The following ANKRD44 variants were observed in gnomAD, a reference collection of about 807,000 sequenced individuals.
ANKRD44 encodes serine/threonine-protein phosphatase 6 regulatory ankyrin repeat subunit B.
ANKRD44 carries 35 observed loss-of-function variants against 116.0 expected under a neutral mutation model. That is an observed-to-expected ratio of 0.30 (90% confidence interval 0.23 to 0.40). The LOEUF is 0.40. ANKRD44 is among the 10% of genes least tolerant of loss of function. The pLI is 1.00. For synonymous variants in ANKRD44, 435 were observed against 461.8 expected (o/e 0.94, Z 0.74); for missense variants, 1,014 against 1,242.6 (o/e 0.82, Z 2.77).
At chr2:197,170,655 G>T (rs2080210907) in intron 2 of ANKRD44, among the ~76,000 whole-genome samples, 1 of 152,144 alleles carries the variant, frequency 6.6e-6, no homozygotes. Flanking sequence ...TCAGTAAAAA[G>T]ATCAGATTTT....
chr2:197,219,582 G>C (rs1446162384), intron 1 of ANKRD44, among the ~76,000 whole-genome samples: 4 of 152,042 alleles, frequency 2.6e-5, no homozygotes, highest in Non-Finnish European at 5.9e-5. Context: ...AATTCAGAAG[G>C]GCTTTGAGAG....
At chr2:197,086,852 G>A in intron 12 of ANKRD44, 104 bp from the exon 13 acceptor site, 4 of 985,420 alleles carry the variant, frequency 4.1e-6, no homozygotes, top group East Asian at 2.6e-5. Context: ...TGAAAAGATA[G>A]CTCCTGGTCT....
intron 17 of ANKRD44, among the ~76,000 whole-genome samples, chr2:197,017,966 G>A (rs1055797450): frequency 6.6e-6 from 1 of 152,258 alleles, no homozygotes; most frequent in African/African-American, 2.4e-5. Flanking sequence ...ACATGGAGAT[G>A]TCATTAGGGT....
At chr2:197,248,731 G>A (rs1371480491) in intron 1 of ANKRD44, among the ~76,000 whole-genome samples, 2 of 151,822 alleles carry the variant, frequency 1.3e-5, no homozygotes, top group African/African-American at 2.4e-5. Context: ...AATCCTTGCT[G>A]CAAACATAGG....
chr2:197,031,614 G>A (rs1389100705), intron 16 of ANKRD44, among the ~76,000 whole-genome samples: 1 of 152,178 alleles, frequency 6.6e-6, no homozygotes, highest in African/African-American at 2.4e-5. Flanking sequence ...GATAGATTCA[G>A]AACTCCTTTC....
intron 1 of ANKRD44, among the ~76,000 whole-genome samples, chr2:197,273,646 G>A (rs868560604): frequency 1.6e-4 from 25 of 152,190 alleles, no homozygotes; most frequent in Middle Eastern, 3.4e-3. Flanking sequence ...GCCAGCACCT[G>A]CGGCCTGGGC....
At chr2:197,251,585 T>A (rs1259671621) in intron 1 of ANKRD44, among the ~76,000 whole-genome samples, 1 of 152,266 alleles carries the variant, frequency 6.6e-6, no homozygotes, top group African/African-American at 2.4e-5. Flanking sequence ...TTCCATTTCT[T>A]TGATTTGGAG....
chr2:197,010,630 G>T (rs2076283040), intron 18 of ANKRD44, among the ~76,000 whole-genome samples: 1 of 152,232 alleles, frequency 6.6e-6, no homozygotes, highest in East Asian at 1.9e-4. Flanking sequence ...CCAGGCTATT[G>T]AACGCAAACC....
chr2:197,002,624 G>A (rs2076133137), intron 21 of ANKRD44, among the ~76,000 whole-genome samples: 2 of 152,184 alleles, frequency 1.3e-5, no homozygotes, highest in African/African-American at 2.4e-5. Flanking sequence ...TGTGGTTTGT[G>A]ACGTTCTATA....
At chr2:197,269,886 G>C (rs2082849335) in intron 1 of ANKRD44, among the ~76,000 whole-genome samples, 2 of 152,194 alleles carry the variant, frequency 1.3e-5, no homozygotes, top group African/African-American at 4.8e-5. Context: ...ACTGAGGAGA[G>C]ACATCTCAGA....
chr2:197,000,221 G>A (rs538780759), intron 23 of ANKRD44, among the ~76,000 whole-genome samples, 198 bp downstream of exon 23: 1 of 152,294 alleles, frequency 6.6e-6, no homozygotes, highest in South Asian at 2.1e-4. Flanking sequence ...ACAGTGTATA[G>A]TAGCTTTCTC....
intron 8 of ANKRD44, among the ~76,000 whole-genome samples, chr2:197,115,697 A>G (rs2078692208): frequency 6.6e-6 from 1 of 152,188 alleles, no homozygotes; most frequent in African/African-American, 2.4e-5. Context: ...ACAAATACAA[A>G]TTGTCTTGCA....
intron 16 of ANKRD44, among the ~76,000 whole-genome samples, chr2:197,070,513 T>C (rs1352828141): frequency 6.6e-6 from 1 of 152,206 alleles, no homozygotes; most frequent in Non-Finnish European, 1.5e-5. Flanking sequence ...ATCTGATTTT[T>C]CTTCTTTAGC....
intron 10 of ANKRD44, 84 bp downstream of exon 10, chr2:197,099,732 G>A: frequency 6.4e-7 from 1 of 1,551,132 alleles, no homozygotes; most frequent in Non-Finnish European, 8.7e-7. Flanking sequence ...TGGATAAATG[G>A]GAACTATCTA....
intron 2 of ANKRD44, among the ~76,000 whole-genome samples, chr2:197,175,092 A>AT (rs1348359379): frequency 1.3e-5 from 2 of 152,190 alleles, no homozygotes; most frequent in African/African-American, 4.8e-5. Context: ...ATAAAAAAAG[A>AT]TTTTTTTAAA....
chr2:197,130,133 T>C lies in ANKRD44; in HGVS notation c.262-4096A>G, dbSNP rs569937891. ...GCTGCTCTTAAGTCCTGCAGGCTTA[T>C]GCTATATTACTGTAATCATAGCAAT... On this transcript the variant is annotated intron_variant, in intron 4 of 27. Transcript: ENST00000282272. Among the ~76,000 whole-genome samples, 7 of 152,328 alleles carry C rather than the reference T, an allele frequency of 4.6e-5. No individual in the cohort carries two copies. In the East Asian group the frequency reaches 1.3e-3, roughly 29 times the overall value.
chr2:197,148,009 A>C, intron 2 of ANKRD44: 1 of 322,274 alleles, frequency 3.1e-6, no homozygotes, highest in Non-Finnish European at 6.3e-6. Flanking sequence ...TTGGCAAGGC[A>C]TTGAACAGAT....
chr2:197,007,791 GA>G lies in ANKRD44; in HGVS notation c.2130+14del. 6.4e-7 allele frequency: 1 copy of G among 1,564,814 alleles called. No individual in the cohort carries two copies. Among genetic ancestry groups the G allele is most frequent in the Non-Finnish European group, 8.8e-7 (1 of 1,139,360 alleles). The stretch of plus-strand genomic sequence containing the variant: ...AAAAAAATTGCTTGACTAGAGCTGA[GA>G]AAGATGTACATACCCCTCTGTGTAA... On this transcript the variant is annotated intron_variant, in intron 20 of 27. Transcript: ENST00000282272.
At chr2:197,007,683 A>AT in intron 20 of ANKRD44, 123 bp downstream of exon 20, 1 of 707,344 alleles carries the variant, frequency 1.4e-6, no homozygotes, top group Non-Finnish European at 2.4e-6. Flanking sequence ...TTAGGAAACA[A>AT]TTTTTGCTAA....
Sources: gnomAD v4.1 joint callset for allele counts (sites outside exome capture counted in the v4.1 genomes callset) on GRCh38, gnomAD v4.1.1 for gene constraint, MANE v1.5 for transcripts, NCBI Gene and HGNC (gene_info 2026-07-23, HGNC 2026-07-21) for gene names.